The following UBE2L3 variants were observed in gnomAD, a reference collection of about 807,000 sequenced individuals.
UBE2L3 encodes ubiquitin-conjugating enzyme E2 L3.
A neutral mutation model predicts 17.8 loss-of-function variants in UBE2L3; 1 was observed. That is an observed-to-expected ratio of 0.06 (90% CI 0.02 to 0.27). The LOEUF is 0.27. Ranked by LOEUF, UBE2L3 falls within the 10% of genes least tolerant of loss-of-function variation. UBE2L3 has a pLI of 1.00. For missense variants in UBE2L3, 40 were observed against 192.6 expected (o/e 0.21, Z 4.69); for synonymous variants, 44 against 68.5 (o/e 0.64, Z 1.76).
intron 3 of UBE2L3, among the ~76,000 whole-genome samples, chr22:21,615,819 G>A (rs1366213826): frequency 2.6e-5 from 4 of 152,202 alleles, no homozygotes; most frequent in East Asian, 1.9e-4. Flanking sequence ...TGAACAGTGC[G>A]ATGCCCTGCC....
rs190918278 is a variant in UBE2L3, at chr22:21,616,545, A to G, written c.311-4970A>G. ...CGTGCACCTGTAGTCCCAGCTACTCAGGAAGCTGAGGCAGGAGAATCACTT... is the reference window on the plus strand; with the variant it reads ...CGTGCACCTGTAGTCCCAGCTACTCGGGAAGCTGAGGCAGGAGAATCACTT... On this transcript the variant is annotated intron_variant, in intron 3 of 3. Transcript: ENST00000342192. 8.6e-4 allele frequency among the ~76,000 whole-genome samples: 130 copies of G among 151,844 alleles called. 1 individual carries two copies. The highest frequency in any genetic ancestry group is 3.1e-3 in the African/African-American group (127 of 41,420).
intron 2 of UBE2L3, among the ~76,000 whole-genome samples, chr22:21,606,354 CTG>C (rs1929170068): frequency 7.3e-6 from 1 of 137,450 alleles, no homozygotes; most frequent in Non-Finnish European, 1.6e-5. Flanking sequence ...GTGTCTTACT[CTG>C]TTGCCCAGGC....
chr22:21,575,606 T>TAC (rs1157870731), intron 1 of UBE2L3, among the ~76,000 whole-genome samples: 1 of 143,870 alleles, frequency 7.0e-6, no homozygotes, highest in Non-Finnish European at 1.5e-5. Context: ...GAGAAAAGTT[T>TAC]ACTTTTCCCA....
At position 21,602,258 on chromosome 22, in the gene UBE2L3, G is replaced by A. The variant is rs939795020; in HGVS notation, c.124-8599G>A. Among the ~76,000 whole-genome samples, 4 of 152,320 alleles carry A rather than the reference G, an allele frequency of 2.6e-5. No homozygotes were observed. The East Asian group carries it at 7.7e-4, about 29-fold the overall frequency. On this transcript the variant is annotated intron_variant, in intron 2 of 3. Coordinates refer to ENST00000342192, the MANE Select transcript of UBE2L3 (RefSeq NM_003347.4). Reference sequence around the variant, plus strand: ...ATCTGAAGCCTGGCATGAAGAAGGAGCAGCATGCTAGTTAGATCCAAACTA... The same window carrying A: ...ATCTGAAGCCTGGCATGAAGAAGGAACAGCATGCTAGTTAGATCCAAACTA...
At chr22:21,577,923 C>T (rs1459376885) in intron 1 of UBE2L3, among the ~76,000 whole-genome samples, 1 of 152,122 alleles carries the variant, frequency 6.6e-6, no homozygotes, top group Admixed American at 6.6e-5. Context: ...AATGTCAGGG[C>T]TCATGTGATG....
At chr22:21,603,946 C>T (rs558622867) in intron 2 of UBE2L3, among the ~76,000 whole-genome samples, 65 of 137,022 alleles carry the variant, frequency 4.7e-4, no homozygotes, top group Admixed American at 3.2e-3. Flanking sequence ...CAGGGTCTCA[C>T]TCTTGCCGAG....
chr22:21,560,543 T>A (rs1338217383), intron 1 of UBE2L3, among the ~76,000 whole-genome samples: 2 of 147,040 alleles, frequency 1.4e-5, no homozygotes, highest in Non-Finnish European at 3.0e-5. Flanking sequence ...TTCTGTCTCC[T>A]GGATTCAAGC....
chr22:21,614,790 TC>T (rs1242316217), intron 3 of UBE2L3: 5 of 256,972 alleles, frequency 1.9e-5, no homozygotes, highest in Non-Finnish European at 2.4e-5. Context: ...ACACAGATGT[TC>T]ATAGCACCAT....
intron 1 of UBE2L3, among the ~76,000 whole-genome samples, chr22:21,587,254 G>C (rs377554052): frequency 6.6e-6 from 1 of 151,222 alleles, no homozygotes; most frequent in Non-Finnish European, 1.5e-5. Context: ...GCAGTGGCGC[G>C]ATCTCGGCTC....
intron 1 of UBE2L3, among the ~76,000 whole-genome samples, chr22:21,556,264 G>A (rs531316562): frequency 9.8e-5 from 15 of 152,296 alleles, no homozygotes; most frequent in Admixed American, 4.6e-4. Context: ...GCATAGTGGC[G>A]TGTGCCTGTA....
upstream of UBE2L3, among the ~76,000 whole-genome samples, chr22:21,565,658 C>G (rs1926598531): frequency 7.4e-6 from 1 of 135,134 alleles, no homozygotes; most frequent in Non-Finnish European, 1.5e-5. Flanking sequence ...GAGGCTGAGG[C>G]AGGAGAATCA....
chr22:21,594,355 C>T (rs989746907), intron 2 of UBE2L3, among the ~76,000 whole-genome samples: 21 of 150,994 alleles, frequency 1.4e-4, no homozygotes, highest in Admixed American at 4.0e-4. Context: ...TAGATGATTT[C>T]TCCCTGTAGA....
At chr22:21,614,348 G>A (rs1331444834) in intron 3 of UBE2L3, among the ~76,000 whole-genome samples, 1 of 152,042 alleles carries the variant, frequency 6.6e-6, no homozygotes, top group Non-Finnish European at 1.5e-5. Flanking sequence ...CCAGCATTTT[G>A]GGAGGCTGGG....
chr22:21,580,902 A>G (rs1021970987), intron 1 of UBE2L3, among the ~76,000 whole-genome samples: 1 of 151,486 alleles, frequency 6.6e-6, no homozygotes, highest in African/African-American at 2.4e-5. Context: ...TTCAAGAGAC[A>G]AGGTCTTGCT....
intron 2 of UBE2L3, among the ~76,000 whole-genome samples, chr22:21,596,937 A>T (rs1928558119): frequency 6.6e-6 from 1 of 151,872 alleles, no homozygotes; most frequent in Non-Finnish European, 1.5e-5. Context: ...TGTTTTCTTC[A>T]TACTAAGGAT....
intron 1 of UBE2L3, among the ~76,000 whole-genome samples, chr22:21,578,962 ATTATTTAT>A (rs201411923): frequency 0.19 from 27,401 of 147,954 alleles, 3,273 homozygotes; most frequent in East Asian, 0.4. Context: ...AGCTAAGTGT[ATTATTTAT>A]TTATTTATTT....
chr22:21,557,723 G>A (rs1246957359), intron 1 of UBE2L3, among the ~76,000 whole-genome samples: 10 of 152,194 alleles, frequency 6.6e-5, no homozygotes, highest in South Asian at 2.1e-4. Flanking sequence ...GGGTTTCACC[G>A]TGCCAGCCAA....
upstream of UBE2L3, chr22:21,567,641 T>TGTGCC: frequency 6.5e-7 from 1 of 1,545,396 alleles, no homozygotes; most frequent in Non-Finnish European, 8.7e-7. Flanking sequence ...GCTCTGCTCC[T>TGTGCC]GTGCCCCGCC....
chr22:21,568,249 G>A (rs1926754724), intron 1 of UBE2L3: 1 of 987,392 alleles, frequency 1.0e-6, no homozygotes, highest in Admixed American at 6.1e-5. Flanking sequence ...CGGGAGTCTG[G>A]GAGGTTCGGG....
Sources: gnomAD v4.1 joint callset for allele counts (sites outside exome capture counted in the v4.1 genomes callset) on GRCh38, gnomAD v4.1.1 for gene constraint, MANE v1.5 for transcripts, NCBI Gene and HGNC (gene_info 2026-07-23, HGNC 2026-07-21) for gene names.